The following BAZ2B variants were observed in gnomAD, a reference collection of about 807,000 sequenced individuals.
The protein encoded by BAZ2B is bromodomain adjacent to zinc finger domain protein 2B.
Under a neutral mutation model 246.0 loss-of-function variants are expected in BAZ2B, and 91 were observed. That is an observed-to-expected ratio of 0.37 (90% CI 0.31 to 0.44). BAZ2B has a LOEUF of 0.44. Among genes scored for constraint, BAZ2B ranks in the 20% least tolerant of loss-of-function variants. BAZ2B has a pLI of 1.00. For synonymous variants in BAZ2B, 855 were observed against 860.0 expected (o/e 0.99, Z 0.10); for missense variants, 2,332 against 2,533.7 (o/e 0.92, Z 1.71).
Position 159,589,108 on chromosome 2 carries a change from C to T in BAZ2B, c.-46+27134G>A, listed in dbSNP as rs140104089. ...AAGAATCTAACTTTTATTAAGAGAA[C>T]GAGAAAAATTTGCTAACTACTAATA... On this transcript the variant is annotated intron_variant, in intron 1 of 36. Coordinates refer to ENST00000392783, the MANE Select transcript of BAZ2B (RefSeq NM_013450.4). Among the ~76,000 whole-genome samples, 136 of 152,192 alleles carry T rather than the reference C, an allele frequency of 8.9e-4. No homozygotes were observed. The Middle Eastern group carries it at 0.044, about 49-fold the overall frequency.
At chr2:159,658,497 C>A in the BAZ2B span, among the ~76,000 whole-genome samples, 404 of 152,030 alleles carry the variant, frequency 2.7e-3, 2 homozygotes, top group African/African-American at 9.2e-3. Flanking sequence ...CCATGCCCAG[C>A]TAAATTTTAT....
At chr2:159,463,811 T>A (rs965451421) in intron 3 of BAZ2B, 2 of 152,172 alleles carry the variant, frequency 1.3e-5, no homozygotes, top group African/African-American at 4.8e-5. Flanking sequence ...TTCAAACAAT[T>A]CTCCTGCCTC....
the BAZ2B span, chr2:159,694,362 T>C: frequency 6.6e-6 from 1 of 152,146 alleles, no homozygotes; most frequent in Non-Finnish European, 1.5e-5. Context: ...AACAAACAAA[T>C]ACATAAAATA....
chr2:159,403,690 T>C (rs1199111830), intron 16 of BAZ2B, among the ~76,000 whole-genome samples: 1 of 152,170 alleles, frequency 6.6e-6, no homozygotes, highest in Non-Finnish European at 1.5e-5. Context: ...ACTGCTACTT[T>C]AAATTATGGT....
chr2:159,653,083 G>A, the BAZ2B span, among the ~76,000 whole-genome samples: 6,342 of 151,792 alleles, frequency 0.042, 428 homozygotes, highest in African/African-American at 0.14. Flanking sequence ...GATTACAGGC[G>A]CACGCCACCA....
chr2:159,324,685 CA>C, intron 36 of BAZ2B, 125 bp downstream of exon 36: 16 of 270,548 alleles, frequency 5.9e-5, no homozygotes, highest in Non-Finnish European at 9.3e-5. Flanking sequence ...CACACACACA[CA>C]CACCTGCCTC....
intron 26 of BAZ2B, among the ~76,000 whole-genome samples, chr2:159,374,076 CT>C (rs68072307): frequency 0.73 from 90,801 of 125,080 alleles, 32,810 homozygotes; most frequent in Non-Finnish European, 0.81. Context: ...GTTTTTTTTT[CT>C]TTTTTTTTTT....
chr2:159,580,593 A>T (rs1686515293), intron 1 of BAZ2B, among the ~76,000 whole-genome samples: 1 of 152,248 alleles, frequency 6.6e-6, no homozygotes, highest in Non-Finnish European at 1.5e-5. Context: ...ACCAAAAAAG[A>T]GCTCGCGTTG....
intron 13 of BAZ2B, among the ~76,000 whole-genome samples, chr2:159,420,929 C>T (rs1249635138): frequency 6.6e-6 from 1 of 152,162 alleles, no homozygotes; most frequent in African/African-American, 2.4e-5. Flanking sequence ...AACAGAAATT[C>T]ATTAAAAGGT....
At chr2:159,687,713 A>C in the BAZ2B span, among the ~76,000 whole-genome samples, 1 of 152,226 alleles carries the variant, frequency 6.6e-6, no homozygotes, top group Non-Finnish European at 1.5e-5. Flanking sequence ...AAATCGTTGA[A>C]CATGAGGCAG....
intron 2 of BAZ2B, among the ~76,000 whole-genome samples, chr2:159,494,455 T>C (rs1436132383): frequency 4.6e-5 from 7 of 152,180 alleles, no homozygotes; most frequent in African/African-American, 1.7e-4. Flanking sequence ...TACATATAAG[T>C]ACATTTATAT....
At chr2:159,328,730 T>C (rs1221936173) in intron 34 of BAZ2B, among the ~76,000 whole-genome samples, 1 of 152,056 alleles carries the variant, frequency 6.6e-6, no homozygotes, top group East Asian at 1.9e-4. Flanking sequence ...ATATGTGAGT[T>C]TGTGTGTGTA....
rs544486502 is a variant in BAZ2B at position 159,459,090 on chromosome 2, A to G, written c.146-5289T>C. On this transcript the variant is annotated intron_variant, in intron 3 of 36. Coordinates refer to ENST00000392783, the MANE Select transcript of BAZ2B (RefSeq NM_013450.4). ...ATATTCTTTACTAACTATTTCAAGA[A>G]CCTATTGCTCAAGAAGTATTCCTGA... The G allele has an allele frequency of 3.3e-5, 5 of 152,296 alleles. No homozygotes were observed. The South Asian group carries it at 1.0e-3, about 32-fold the overall frequency. 9.4% of individuals were successfully genotyped at this position (152,296 alleles called of 1,614,324 possible). A position where few individuals can be genotyped will look rare whatever the true frequency, so the allele number is the denominator to read the frequency against.
chr2:159,526,903 G>T (rs145168584), intron 2 of BAZ2B, among the ~76,000 whole-genome samples: 1 of 151,508 alleles, frequency 6.6e-6, no homozygotes, highest in Admixed American at 6.6e-5. Flanking sequence ...ATGCTGGAGT[G>T]CAGTGGAATC....
chr2:159,321,827 T>C (rs190893962), intron 36 of BAZ2B: 2 of 152,302 alleles, frequency 1.3e-5, no homozygotes, highest in Admixed American at 6.5e-5. Context: ...AGACCTAGTA[T>C]GTGACAGCAC....
intron 1 of BAZ2B, among the ~76,000 whole-genome samples, chr2:159,599,439 A>G (rs1691549057): frequency 6.6e-6 from 1 of 151,656 alleles, no homozygotes. Flanking sequence ...ACCAACATGG[A>G]GAAACCCCGT....
intron 3 of BAZ2B, among the ~76,000 whole-genome samples, chr2:159,456,350 G>A (rs2075774558): frequency 6.6e-6 from 1 of 152,002 alleles, no homozygotes; most frequent in Non-Finnish European, 1.5e-5. Flanking sequence ...TAGATGCATA[G>A]TTACAGCATT....
chr2:159,512,903 C>A (rs2083074854), intron 2 of BAZ2B, among the ~76,000 whole-genome samples: 1 of 152,082 alleles, frequency 6.6e-6, no homozygotes, highest in Non-Finnish European at 1.5e-5. Context: ...AGAATGATAA[C>A]TAACATTTAA....
chr2:159,461,988 T>C (rs1169300548), intron 3 of BAZ2B: 3 of 169,192 alleles, frequency 1.8e-5, no homozygotes, highest in African/African-American at 7.2e-5. Context: ...TAGGTGCTGG[T>C]GGATCAGTAA....
Sources: allele counts gnomAD v4.1 joint callset (sites outside exome capture counted in the v4.1 genomes callset), GRCh38; gene constraint gnomAD v4.1.1; transcripts MANE v1.5; gene names NCBI Gene and HGNC (gene_info 2026-07-23, HGNC 2026-07-21).